Variants in PPP2R2B observed in about 807,000 individuals in gnomAD.
PPP2R2B encodes the protein protein phosphatase 2 regulatory subunit Bbeta.
PPP2R2B carries 5 observed loss-of-function variants against 46.0 expected under a neutral mutation model. The ratio of observed to expected loss-of-function variants is 0.11; its 90% confidence interval spans 0.06 to 0.23. The LOEUF (loss-of-function observed/expected upper bound fraction) is 0.23. Ranked by LOEUF, PPP2R2B falls within the 10% of genes least tolerant of loss-of-function variation. The pLI, the probability that PPP2R2B is intolerant of heterozygous loss-of-function variation, is 1.00. For missense variants in PPP2R2B, 367 were observed against 575.0 expected, an observed-to-expected ratio of 0.64 and a Z score of 3.70; for synonymous variants, 215 against 206.7, an observed-to-expected ratio of 1.04 and a Z score of -0.34.
intron 2 of PPP2R2B, among the ~76,000 whole-genome samples, chr5:146,871,985 G>A (rs1444322095): frequency 6.6e-6 from 1 of 152,122 alleles, no homozygotes; most frequent in Non-Finnish European, 1.5e-5. Context: ...CAGTACTCGC[G>A]ATACCTTAGT....
intron 1 of PPP2R2B, among the ~76,000 whole-genome samples, chr5:146,910,151 T>G (rs1763129240): frequency 6.6e-6 from 1 of 152,238 alleles, no homozygotes; most frequent in African/African-American, 2.4e-5. Context: ...TATTTACAAT[T>G]TGAAGTCTAA....
intron 1 of PPP2R2B, among the ~76,000 whole-genome samples, chr5:146,924,787 T>G (rs1008707897): frequency 1.3e-5 from 2 of 152,150 alleles, no homozygotes; most frequent in African/African-American, 4.8e-5. Context: ...TTACTAAAAA[T>G]CACAAGGAGC....
intron 2 of PPP2R2B, among the ~76,000 whole-genome samples, chr5:146,861,471 G>A (rs1166515934): frequency 6.6e-6 from 1 of 152,174 alleles, no homozygotes; most frequent in Non-Finnish European, 1.5e-5. Context: ...GATTACAGGC[G>A]TGAGCCACCG....
chr5:146,840,906 G>A (rs1759598595), intron 2 of PPP2R2B, among the ~76,000 whole-genome samples: 1 of 152,152 alleles, frequency 6.6e-6, no homozygotes, highest in Non-Finnish European at 1.5e-5. Context: ...TACTCTGTAG[G>A]AAGGGAGATA....
At chr5:146,815,558 G>C (rs1757880787) in intron 2 of PPP2R2B, among the ~76,000 whole-genome samples, 1 of 152,268 alleles carries the variant, frequency 6.6e-6, no homozygotes, top group South Asian at 2.1e-4. Context: ...AAATACTTAA[G>C]AGGAAGGGCG....
chr5:146,666,684 C>A (rs868417717), intron 5 of PPP2R2B, among the ~76,000 whole-genome samples: 2 of 152,208 alleles, frequency 1.3e-5, no homozygotes, highest in Non-Finnish European at 2.9e-5. Flanking sequence ...CAAGACTCAG[C>A]CTCCAATCTT....
At chr5:147,024,610 C>A (rs911006310) in intron 1 of PPP2R2B, among the ~76,000 whole-genome samples, 5 of 152,014 alleles carry the variant, frequency 3.3e-5, no homozygotes, top group African/African-American at 1.2e-4. Context: ...ACTAAAATCA[C>A]ACAGAGAACA....
intron 2 of PPP2R2B, among the ~76,000 whole-genome samples, chr5:146,783,019 TC>T (rs1334062306): frequency 6.6e-6 from 1 of 152,022 alleles, no homozygotes; most frequent in Non-Finnish European, 1.5e-5. Flanking sequence ...TTAGTGAATT[TC>T]CCCCAAATAT....
At chr5:146,637,250 A>G (rs1774885070) in intron 7 of PPP2R2B, among the ~76,000 whole-genome samples, 2 of 152,210 alleles carry the variant, frequency 1.3e-5, no homozygotes, top group Non-Finnish European at 2.9e-5. Flanking sequence ...AATGAATTGT[A>G]GTCTAGATCA....
intron 1 of PPP2R2B, among the ~76,000 whole-genome samples, chr5:147,046,799 T>C (rs1217639044): frequency 6.6e-6 from 1 of 152,062 alleles, no homozygotes; most frequent in East Asian, 1.9e-4. Flanking sequence ...CATCCTCCTG[T>C]GATAACACAG....
chr5:147,050,092 A>G (rs1413125437), intron 1 of PPP2R2B, among the ~76,000 whole-genome samples: 1 of 152,152 alleles, frequency 6.6e-6, no homozygotes, highest in Admixed American at 6.6e-5. Context: ...GAGAGGGGAG[A>G]TGACCCAGCT....
chr5:146,706,584 T>A (rs1015244234), intron 2 of PPP2R2B: 40 of 861,708 alleles, frequency 4.6e-5, no homozygotes, highest in African/African-American at 4.2e-4. Context: ...AGCGTTGGCA[T>A]CCTTAATGAC....
At chr5:146,594,272 G>A (rs1770946544) in intron 8 of PPP2R2B, among the ~76,000 whole-genome samples, 1 of 152,202 alleles carries the variant, frequency 6.6e-6, no homozygotes, top group Non-Finnish European at 1.5e-5. Flanking sequence ...GAGAGAAAGG[G>A]TTGAGAAACA....
chr5:147,006,465 C>A (rs1754446061), intron 1 of PPP2R2B, among the ~76,000 whole-genome samples: 1 of 152,146 alleles, frequency 6.6e-6, no homozygotes, highest in Admixed American at 6.5e-5. Flanking sequence ...TTATGGAAAT[C>A]AGACCCTATC....
chr5:146,602,896 C>CTAGA (rs1281658752), intron 7 of PPP2R2B, among the ~76,000 whole-genome samples: 1 of 152,074 alleles, frequency 6.6e-6, no homozygotes, highest in East Asian at 1.9e-4. Context: ...TAGTTGAGAA[C>CTAGA]TAGATAGGAA....
rs62373292 is a variant in PPP2R2B, at chr5:146,894,692, G to A, written c.79+160973C>T. On this transcript the variant is annotated intron_variant, in intron 1 of 8. Transcript: ENST00000336640. ...AGGGCTCAAGTGATCCACCTGCCTCGATCTCCCAAAATTCTGGTATTACAG... is the reference window on the plus strand; with the variant it reads ...AGGGCTCAAGTGATCCACCTGCCTCAATCTCCCAAAATTCTGGTATTACAG... 8.0e-3 allele frequency among the ~76,000 whole-genome samples: 1,215 copies of A among 152,142 alleles called. 9 individuals carry two copies. The highest frequency in any genetic ancestry group is 0.012 in the Non-Finnish European group (836 of 68,014).
chr5:147,063,016 G>A lies in PPP2R2B; in HGVS notation c.50+18043C>T, dbSNP rs188484051. Among the ~76,000 whole-genome samples the A allele has an allele frequency of 3.3e-3, 389 of 117,736 alleles. 9 individuals carry two copies. The highest frequency in any genetic ancestry group is 0.012 in the African/African-American group (368 of 31,376). The allele number at this position is 117,736 out of a possible 152,430, so 77.2% of individuals were successfully genotyped here. On this transcript the variant is annotated intron_variant, in intron 2 of 10. Transcript: ENST00000394413. Reference sequence around the variant, plus strand: ...GGAGGGAGGGGGGAAGAAGGGAAGGGGGAAGAGAGGAAGGAGAAAAGGAAG... The same window carrying A: ...GGAGGGAGGGGGGAAGAAGGGAAGGAGGAAGAGAGGAAGGAGAAAAGGAAG...
At chr5:147,079,197 T>A (rs1757893531) in intron 2 of PPP2R2B, among the ~76,000 whole-genome samples, 1 of 151,684 alleles carries the variant, frequency 6.6e-6, no homozygotes, top group African/African-American at 2.4e-5. Flanking sequence ...AAATATAATT[T>A]TAGATTCAGT....
At chr5:147,033,448 T>C (rs762408197) in intron 1 of PPP2R2B, among the ~76,000 whole-genome samples, 4 of 152,218 alleles carry the variant, frequency 2.6e-5, no homozygotes, top group South Asian at 4.1e-4. Flanking sequence ...GTATGACCAG[T>C]ACTCATAACT....
Sources: allele counts gnomAD v4.1 joint callset (sites outside exome capture counted in the v4.1 genomes callset), GRCh38; gene constraint gnomAD v4.1.1; transcripts MANE v1.5; gene names NCBI Gene and HGNC (gene_info 2026-07-23, HGNC 2026-07-21).